Variants in SLC22A23 observed in about 807,000 individuals in gnomAD.
SLC22A23 encodes ion transporter protein.
A neutral mutation model predicts 61.0 loss-of-function variants in SLC22A23; 26 were observed. That is an observed-to-expected ratio of 0.43 (90% CI 0.31 to 0.59). The LOEUF is 0.59. Among genes scored for constraint, SLC22A23 ranks in the 20% least tolerant of loss-of-function variants. The probability of loss-of-function intolerance (pLI) is 0.11; values close to 1 mark genes in which losing one functional copy is unlikely to be tolerated. For synonymous variants in SLC22A23, 430 were observed against 413.9 expected, an observed-to-expected ratio of 1.04 and a Z score of -0.47; for missense variants, 796 against 934.7, an observed-to-expected ratio of 0.85 and a Z score of 1.94.
Position 3,324,376 on chromosome 6 carries a change from C to A in SLC22A23, c.914-374G>T, listed in dbSNP as rs1413517391. Among the ~76,000 whole-genome samples, 2 of 152,172 alleles carry A rather than the reference C, an allele frequency of 1.3e-5. No individual in the cohort carries two copies. The highest frequency in any genetic ancestry group is 4.8e-5 in the African/African-American group (2 of 41,438). On this transcript the variant is annotated intron_variant, in intron 3 of 9. Coordinates refer to ENST00000406686, the MANE Select transcript of SLC22A23 (RefSeq NM_015482.2). The surrounding 1 kb of genome is among the most constrained non-coding windows in gnomAD (Gnocchi z 4.3). The stretch of plus-strand genomic sequence containing the variant: ...GTCCAGCACGTTCCCCCCTCGTGCC[C>A]ATCCTGTCGCCATTCCTTCCTGTCC...
rs183024461 is a variant in SLC22A23, at chr6:3,308,621, C to T, written c.1083-10403G>A. Among the ~76,000 whole-genome samples, 2 of 152,258 alleles carry T rather than the reference C, an allele frequency of 1.3e-5. No individual in the cohort carries two copies. Among genetic ancestry groups the T allele is most frequent in the African/African-American group, 2.4e-5 (1 of 41,536 alleles). ...AAACGTGAACCATGCCATTTTCCAG[C>T]ATGTACTTGGGACATAAAACCTAAC... On this transcript the variant is annotated intron_variant, in intron 4 of 9. Transcript: ENST00000406686. The surrounding 1 kb of genome is among the most constrained non-coding windows in gnomAD (Gnocchi z 5.1).
Position 3,329,562 on chromosome 6 carries a change from G to A in SLC22A23, c.914-5560C>T, listed in dbSNP as rs535179845. On this transcript the variant is annotated intron_variant, in intron 3 of 9. Coordinates refer to ENST00000406686, the MANE Select transcript of SLC22A23 (RefSeq NM_015482.2). The surrounding 1 kb of genome is among the most constrained non-coding windows in gnomAD (Gnocchi z 4.8). ...ATGCAGGGTATGGGATGAGGCGCCC[G>A]CTCTGGCCTAGAGGTGGGGGTTAGA... is the stretch of plus-strand genomic sequence containing the variant. Among the ~76,000 whole-genome samples the A allele has an allele frequency of 2.2e-4, 34 of 152,310 alleles. No homozygotes were observed. The highest frequency in any genetic ancestry group is 7.7e-4 in the African/African-American group (32 of 41,556).
At chr6:3,444,068 C>T (rs1446762007) in intron 1 of SLC22A23, among the ~76,000 whole-genome samples, 2 of 152,022 alleles carry the variant, frequency 1.3e-5, no homozygotes, top group Non-Finnish European at 2.9e-5. Flanking sequence ...CAAAAGAGAC[C>T]GAAGAGAGGT....
At chr6:3,379,054 G>C (rs1001168801) in intron 3 of SLC22A23, among the ~76,000 whole-genome samples, 1 of 152,142 alleles carries the variant, frequency 6.6e-6, no homozygotes, top group East Asian at 1.9e-4. Context: ...AGAGTTGTCT[G>C]GGCCTCCCTG....
chr6:3,315,514 C>T (rs1478203666), intron 4 of SLC22A23, among the ~76,000 whole-genome samples: 4 of 152,194 alleles, frequency 2.6e-5, no homozygotes, highest in Non-Finnish European at 2.9e-5. Context: ...ACAGGCCCTT[C>T]GAGGATGGCA....
At chr6:3,301,842 C>G (rs1036994754) in intron 4 of SLC22A23, among the ~76,000 whole-genome samples, 5 of 152,244 alleles carry the variant, frequency 3.3e-5, no homozygotes, top group Non-Finnish European at 5.9e-5. Flanking sequence ...TCACTATACA[C>G]AGTTTTGAAG....
Position 3,297,533 on chromosome 6 carries a change from T to C in SLC22A23, c.1210+558A>G, listed in dbSNP as rs1473744199. Among the ~76,000 whole-genome samples, 2 of 152,204 alleles carry C rather than the reference T, an allele frequency of 1.3e-5. No homozygotes were observed. Among genetic ancestry groups the C allele is most frequent in the Non-Finnish European group, 2.9e-5 (2 of 68,020 alleles). On this transcript the variant is annotated intron_variant, in intron 5 of 9. Transcript: ENST00000406686. This position sits in a 1 kb window ranked among gnomAD's most constrained non-coding sequence, Gnocchi z 4.3. ...AGGAATCTGGATTTTAACAACCTCC[T>C]GGTGATACGTGGATCCCCAGGTTGA...
intron 1 of SLC22A23, among the ~76,000 whole-genome samples, chr6:3,437,114 T>C (rs1163325871): frequency 6.6e-6 from 1 of 152,160 alleles, no homozygotes; most frequent in Non-Finnish European, 1.5e-5. Flanking sequence ...CACCCTCCCA[T>C]TGGTCACTTA....
chr6:3,413,236 GT>G (rs1343592943), intron 2 of SLC22A23, among the ~76,000 whole-genome samples: 1 of 152,240 alleles, frequency 6.6e-6, no homozygotes, highest in Non-Finnish European at 1.5e-5. Flanking sequence ...GGGAAGGATG[GT>G]CCTGGCCCCA....
intron 3 of SLC22A23, among the ~76,000 whole-genome samples, chr6:3,369,958 A>G (rs779686475): frequency 6.6e-6 from 1 of 152,256 alleles, no homozygotes; most frequent in Non-Finnish European, 1.5e-5. Flanking sequence ...AAAACTCAGT[A>G]TGCTGTAACC....
intron 1 of SLC22A23, among the ~76,000 whole-genome samples, chr6:3,441,789 G>C (rs193259659): frequency 1.4e-3 from 211 of 152,250 alleles, no homozygotes; most frequent in African/African-American, 4.7e-3. Flanking sequence ...ACCGTCTCCG[G>C]CTACATGAGG....
rs1241751281 is a variant in SLC22A23, at chr6:3,427,685, C to T, written c.655-11830G>A. Among the ~76,000 whole-genome samples, 2 of 152,178 alleles carry T rather than the reference C, an allele frequency of 1.3e-5. No homozygotes were observed. Among genetic ancestry groups the T allele is most frequent in the East Asian group, 3.9e-4 (2 of 5,172 alleles). ...GGAACAGCAACAGCTTCGTTTCCAA[C>T]ACTTCCTGCAATCATTCCTTAAATA... On this transcript the variant is annotated intron_variant, in intron 1 of 9. Transcript: ENST00000406686. The surrounding 1 kb of genome is among the most constrained non-coding windows in gnomAD (Gnocchi z 4.3).
rs1014021640 is a variant in SLC22A23, at chr6:3,360,791, G to A, written c.914-36789C>T. Among the ~76,000 whole-genome samples, 1 of 152,218 alleles carries A rather than the reference G, an allele frequency of 6.6e-6. No individual in the cohort carries two copies. Among genetic ancestry groups the A allele is most frequent in the Non-Finnish European group, 1.5e-5 (1 of 68,048 alleles). On this transcript the variant is annotated intron_variant, in intron 3 of 9. Coordinates refer to ENST00000406686, the MANE Select transcript of SLC22A23 (RefSeq NM_015482.2). This position sits in a 1 kb window ranked among gnomAD's most constrained non-coding sequence, Gnocchi z 4.6. ...CCCATGCAGACGGGCCCCTCTGATGGAGACCTGCGTTCGGCCAGGCAGGCC... is the reference window on the plus strand; with the variant it reads ...CCCATGCAGACGGGCCCCTCTGATGAAGACCTGCGTTCGGCCAGGCAGGCC...
intron 3 of SLC22A23, among the ~76,000 whole-genome samples, chr6:3,364,090 T>A (rs1323596883): frequency 1.3e-5 from 2 of 152,262 alleles, no homozygotes; most frequent in African/African-American, 4.8e-5. Flanking sequence ...CCCTCTCTCC[T>A]GGGGCACTTT....
At position 3,427,146 on chromosome 6, in the gene SLC22A23, G is replaced by A. The variant is rs1340988776; in HGVS notation, c.655-11291C>T. 6.6e-6 allele frequency among the ~76,000 whole-genome samples: 1 copy of A among 152,182 alleles called. No homozygotes were observed. Among genetic ancestry groups the A allele is most frequent in the African/African-American group, 2.4e-5 (1 of 41,438 alleles). On this transcript the variant is annotated intron_variant, in intron 1 of 9. Transcript: ENST00000406686. This position sits in a 1 kb window ranked among gnomAD's most constrained non-coding sequence, Gnocchi z 4.3. ...TCATCAGGGCAAGCTTTTTCACCGT[G>A]TGGGGGCTCAGTTTTAACATCTATG... is the stretch of plus-strand genomic sequence containing the variant.
At chr6:3,289,586 G>T (rs1263408695) in intron 6 of SLC22A23, among the ~76,000 whole-genome samples, 178 bp downstream of exon 6, 6 of 152,210 alleles carry the variant, frequency 3.9e-5, no homozygotes, top group Non-Finnish European at 8.8e-5. Flanking sequence ...GGCACCGGCT[G>T]CTTGAGGCTT....
intron 3 of SLC22A23, among the ~76,000 whole-genome samples, chr6:3,335,320 TGCCATCTTGTTCTTGG>T (rs1318157195): frequency 3.3e-5 from 5 of 152,188 alleles, no homozygotes; most frequent in Non-Finnish European, 7.3e-5. Context: ...CTTGCTCTGG[TGCCATCTTGTTCTTGG>T]GCCATCTTGT....
intron 3 of SLC22A23, among the ~76,000 whole-genome samples, chr6:3,401,326 A>G (rs1162343589): frequency 6.6e-6 from 1 of 152,224 alleles, no homozygotes; most frequent in Non-Finnish European, 1.5e-5. Context: ...CAACAGAGTG[A>G]GATTCCATCT....
At chr6:3,296,628 C>T (rs368360381) in intron 5 of SLC22A23, among the ~76,000 whole-genome samples, 30 of 152,332 alleles carry the variant, frequency 2.0e-4, no homozygotes, top group African/African-American at 6.0e-4. Context: ...GATGCACCAG[C>T]ACTCAGCACC....
Sources: gnomAD v4.1 joint callset for allele counts (sites outside exome capture counted in the v4.1 genomes callset) on GRCh38, gnomAD v4.1.1 for gene constraint, Gnocchi (gnomAD v3.1) non-coding constraint, MANE v1.5 for transcripts, NCBI Gene and HGNC (gene_info 2026-07-23, HGNC 2026-07-21) for gene names.